MYOM1: variants seen among roughly 807,000 people sequenced by gnomAD.
The protein encoded by MYOM1 is myomesin-1.
Under a neutral mutation model 205.3 loss-of-function variants are expected in MYOM1, and 164 were observed. That is an observed-to-expected ratio of 0.80 (90% CI 0.70 to 0.91). The LOEUF is 0.91. Among genes scored for constraint, MYOM1 ranks in the 40% least tolerant of loss-of-function variants. The pLI, the probability that MYOM1 is intolerant of heterozygous loss-of-function variation, is 0.00. For missense variants in MYOM1, 2,011 were observed against 2,127.3 expected (o/e 0.95, Z 1.08); for synonymous variants, 772 against 789.4 (o/e 0.98, Z 0.37).
chr18:3,086,159 A>G lies in MYOM1; in HGVS notation c.4138-8T>C. On this transcript the variant is annotated splice_region_variant and splice_polypyrimidine_tract_variant and intron_variant, in intron 29 of 37. Transcript: ENST00000356443. ...CTTCTTAATATTTGCCACCTAGGAG[A>G]AAAACCATAATTACTTTTCTTAAAA... 1 of 1,528,598 alleles carries G rather than the reference A, an allele frequency of 6.5e-7. No individual in the cohort carries two copies. Among genetic ancestry groups the G allele is most frequent in the Non-Finnish European group, 8.9e-7 (1 of 1,118,016 alleles). The allele number at this position is 1,528,598 out of a possible 1,614,324, so 94.7% of individuals were successfully genotyped here.
chr18:3,090,726 C>A lies in MYOM1; in HGVS notation c.3941G>T (p.Gly1314Val). 4.3e-6 allele frequency: 7 copies of A among 1,613,924 alleles called. No individual in the cohort carries two copies. In the South Asian group the frequency reaches 6.6e-5, roughly 15 times the overall value. ...FMEKLQDEDE[G>V]TYTFQLQDGK... ...ATCTTGAAGCTGGAAAGTGTACGTTCCCTCATCCTCATCCTGTAGCTTTTC... is the reference window on the plus strand; with the variant it reads ...ATCTTGAAGCTGGAAAGTGTACGTTACCTCATCCTCATCCTGTAGCTTTTC... Residue 1314 changes from glycine (G) to valine (V), a missense_variant, in exon 27 of 38, where the codon GGA becomes GTA. Gly to Val is a moderately radical substitution (Grantham distance 109). Transcript: ENST00000356443.
At chr18:3,105,801 G>A (rs535144213) in intron 22 of MYOM1, among the ~76,000 whole-genome samples, 2 of 152,296 alleles carry the variant, frequency 1.3e-5, no homozygotes, top group Non-Finnish European at 2.9e-5. Flanking sequence ...GTTGCAGTGA[G>A]CTGAGATCAC....
At chr18:3,162,148 C>A (rs1015947217) in intron 10 of MYOM1, among the ~76,000 whole-genome samples, 6 of 152,140 alleles carry the variant, frequency 3.9e-5, no homozygotes, top group African/African-American at 1.2e-4. Context: ...TATTATGATG[C>A]TTTAACATCT....
At chr18:3,238,649 T>C in the MYOM1 span, among the ~76,000 whole-genome samples, 3 of 152,200 alleles carry the variant, frequency 2.0e-5, no homozygotes, top group Admixed American at 6.5e-5. Context: ...ACCACAAATT[T>C]AGTGGCTTAA....
chr18:3,203,096 T>TGTAAAA (rs1261306139), intron 2 of MYOM1, among the ~76,000 whole-genome samples: 1 of 151,556 alleles, frequency 6.6e-6, no homozygotes, highest in Admixed American at 6.6e-5. Context: ...CTTCGAACTA[T>TGTAAAA]ATAAAAACAA....
At chr18:3,109,226 G>A (rs1448302569) in intron 22 of MYOM1, among the ~76,000 whole-genome samples, 10 of 150,754 alleles carry the variant, frequency 6.6e-5, no homozygotes, top group African/African-American at 2.4e-4. Context: ...CAGGTAATCC[G>A]CCCGCCTTGG....
chr18:3,104,079 G>A (rs1353901420), intron 22 of MYOM1, among the ~76,000 whole-genome samples: 1 of 152,204 alleles, frequency 6.6e-6, no homozygotes, highest in Non-Finnish European at 1.5e-5. Flanking sequence ...AGGGCTATAT[G>A]TATTCCATTG....
chr18:3,129,565 G>GT (rs1027423277), intron 17 of MYOM1, 46 bp from the exon 18 acceptor site: 2 of 1,561,226 alleles, frequency 1.3e-6, no homozygotes, highest in African/African-American at 1.4e-5. Flanking sequence ...CCCGGACAGA[G>GT]TATCAGCTGC....
intron 5 of MYOM1, among the ~76,000 whole-genome samples, chr18:3,183,121 G>A (rs886258182): frequency 3.3e-5 from 5 of 151,896 alleles, no homozygotes; most frequent in African/African-American, 1.2e-4. Flanking sequence ...TAGAGACAGG[G>A]TCTCTCCATG....
rs2081247190 is a variant in MYOM1, at chr18:3,215,093, G to A, written c.131C>T (p.Thr44Met). 1.2e-6 allele frequency: 2 copies of A among 1,613,588 alleles called. No homozygotes were observed. Among genetic ancestry groups the A allele is most frequent in the Non-Finnish European group, 1.7e-6 (2 of 1,179,866 alleles). Residue 44 changes from threonine (T) to methionine (M), a missense_variant, in exon 2 of 38, where the codon ACG becomes ATG. Physicochemically the swap from Thr to Met is moderately conservative, Grantham distance 81 (BLOSUM62 -1). Transcript: ENST00000356443. The part of the protein sequence containing the change: ...KRSAVYTQGS[T>M]AYSSRSSAAH... Reference sequence around the variant, plus strand: ...GGCGGAGGAGCGGCTGCTGTAGGCCGTGGAGCCCTGGGTGTAGACGGCGGA... The same window carrying A: ...GGCGGAGGAGCGGCTGCTGTAGGCCATGGAGCCCTGGGTGTAGACGGCGGA...
intron 17 of MYOM1, 63 bp from the exon 18 acceptor site, chr18:3,129,582 A>G (rs973684991): frequency 2.1e-5 from 31 of 1,501,054 alleles, no homozygotes; most frequent in Non-Finnish European, 2.8e-5. Context: ...CTGCTCTTAT[A>G]GGATAGAACA....
intron 9 of MYOM1, among the ~76,000 whole-genome samples, chr18:3,167,420 A>G (rs8099314): frequency 0.12 from 17,841 of 152,198 alleles, 2,475 homozygotes; most frequent in African/African-American, 0.34. Context: ...GTCCCGCTCT[A>G]TAGCCCAGGC....
chr18:3,177,190 G>T (rs934876068), intron 5 of MYOM1, among the ~76,000 whole-genome samples: 8 of 152,068 alleles, frequency 5.3e-5, no homozygotes, highest in African/African-American at 1.9e-4. Flanking sequence ...AGTGAGCTAT[G>T]ATCGCACCAC....
chr18:3,215,181 G>C lies in MYOM1; in HGVS notation c.43C>G (p.Leu15Val). The C allele has an allele frequency of 6.2e-7, 1 of 1,613,394 alleles. No homozygotes were observed. Among genetic ancestry groups the C allele is most frequent in the Non-Finnish European group, 8.5e-7 (1 of 1,179,660 alleles). ...FYQRCHQHYDLSYRNKDVRST... is the reference protein window; with the variant it reads ...FYQRCHQHYDVSYRNKDVRST... ...CGCACGTCCTTGTTGCGGTAGCTGA[G>C]ATCATAGTGCTGGTGGCACCTCTGA... The change falls in exon 2 of 38, where the codon CTC becomes GTC. Residue 15 changes from leucine to valine, a missense_variant. By Grantham distance (32) the Leu-to-Val change is conservative (BLOSUM62 1). Transcript: ENST00000356443.
At chr18:3,075,676 C>T in intron 35 of MYOM1, 49 bp downstream of exon 35, 1 of 1,581,112 alleles carries the variant, frequency 6.3e-7, no homozygotes, top group Non-Finnish European at 8.7e-7. Context: ...TGCAAGCTTC[C>T]CGGGAAATTA....
At chr18:3,210,222 C>A (rs1016320919) in intron 2 of MYOM1, among the ~76,000 whole-genome samples, 5 of 152,226 alleles carry the variant, frequency 3.3e-5, no homozygotes, top group African/African-American at 1.2e-4. Flanking sequence ...GGAGATGGAA[C>A]AAGCTTTCAA....
chr18:3,110,740 CTTT>C (rs60485833), intron 22 of MYOM1, among the ~76,000 whole-genome samples: 38 of 141,456 alleles, frequency 2.7e-4, no homozygotes, highest in East Asian at 4.2e-4. Flanking sequence ...TCTTTTTTTT[CTTT>C]TTTTTTTTTT....
chr18:3,232,490 T>G, the MYOM1 span, among the ~76,000 whole-genome samples: 1 of 152,186 alleles, frequency 6.6e-6, no homozygotes, highest in Non-Finnish European at 1.5e-5. Flanking sequence ...TGGGTCACAG[T>G]GGAGCCCGAG....
At chr18:3,236,260 T>C in the MYOM1 span, among the ~76,000 whole-genome samples, 799 of 152,294 alleles carry the variant, frequency 5.2e-3, 7 homozygotes, top group African/African-American at 0.018. Flanking sequence ...GAACAGACTA[T>C]AGGAAGAAAA....
Sources: gnomAD v4.1 joint callset for allele counts (sites outside exome capture counted in the v4.1 genomes callset) on GRCh38, gnomAD v4.1.1 for gene constraint, MANE v1.5 for transcripts, NCBI Gene and HGNC (gene_info 2026-07-23, HGNC 2026-07-21) for gene names.